KMT2C: variants seen among roughly 807,000 people sequenced by gnomAD.
The protein encoded by KMT2C is histone-lysine N-methyltransferase 2C.
KMT2C carries 88 observed loss-of-function variants against 507.9 expected under a neutral mutation model. The ratio of observed to expected loss-of-function variants is 0.17; its 90% CI spans 0.15 to 0.21. KMT2C has a LOEUF of 0.21. Among genes scored for constraint, KMT2C ranks in the 10% least tolerant of loss-of-function variants. The probability of loss-of-function intolerance (pLI) is 1.00; values close to 1 mark genes in which losing one functional copy is unlikely to be tolerated. For missense variants in KMT2C, 4,954 were observed against 5,957.8 expected, an observed-to-expected ratio of 0.83 and a Z score of 5.55; for synonymous variants, 2,049 against 2,080.8, an observed-to-expected ratio of 0.98 and a Z score of 0.42.
At chr7:152,295,039 T>C (rs573917140) in intron 6 of KMT2C, among the ~76,000 whole-genome samples, 1 of 152,308 alleles carries the variant, frequency 6.6e-6, no homozygotes, top group East Asian at 1.9e-4. Flanking sequence ...ACAAAACTTG[T>C]GATCTTCCAA....
intron 35 of KMT2C, 112 bp downstream of exon 35, chr7:152,182,862 T>C: frequency 1.3e-6 from 1 of 793,134 alleles, no homozygotes; most frequent in Non-Finnish European, 2.0e-6. Context: ...AAGTCTATCC[T>C]AAATCAAATT....
At chr7:152,418,048 C>T (rs954334683) in intron 1 of KMT2C, among the ~76,000 whole-genome samples, 9 of 151,418 alleles carry the variant, frequency 5.9e-5, no homozygotes, top group Non-Finnish European at 8.8e-5. Flanking sequence ...TGCCTCGATA[C>T]TCCTTCCTTA....
intron 55 of KMT2C, among the ~76,000 whole-genome samples, chr7:152,141,784 C>A (rs193238034): frequency 2.0e-5 from 3 of 151,556 alleles, no homozygotes; most frequent in African/African-American, 7.3e-5. Context: ...TTTGGGAGGC[C>A]GAGGCAGGTG....
intron 2 of KMT2C, among the ~76,000 whole-genome samples, chr7:152,338,074 G>C (rs2096954799): frequency 6.6e-6 from 1 of 151,978 alleles, no homozygotes; most frequent in Non-Finnish European, 1.5e-5. Flanking sequence ...TAGCCAGGAT[G>C]GTCACGATCT....
chr7:152,308,998 A>G (rs769833657), intron 6 of KMT2C, among the ~76,000 whole-genome samples: 69 of 152,310 alleles, frequency 4.5e-4, no homozygotes, highest in Non-Finnish European at 7.5e-4. Context: ...TGCACATATT[A>G]CTTTGATACA....
rs1470885577 is a variant in KMT2C, at chr7:152,361,388, G to A, written c.162-2713C>T. On this transcript the variant is annotated intron_variant, in intron 1 of 58. Transcript: ENST00000262189. ...ATCCTGGCTAACACGGTGAAACCCC[G>A]TCTCTACTAAAAATATACAAAAAAA... Among the ~76,000 whole-genome samples the A allele has an allele frequency of 2.0e-5, 3 of 152,076 alleles. No homozygotes were observed. The South Asian group carries it at 6.2e-4, about 32-fold the overall frequency.
At chr7:152,308,452 G>C (rs890880605) in intron 6 of KMT2C, among the ~76,000 whole-genome samples, 2 of 151,898 alleles carry the variant, frequency 1.3e-5, no homozygotes, top group African/African-American at 4.8e-5. Flanking sequence ...AAGGCAGGCA[G>C]ATCACCTGAG....
At chr7:152,398,659 C>T (rs2116593600) in intron 1 of KMT2C, among the ~76,000 whole-genome samples, 1 of 152,020 alleles carries the variant, frequency 6.6e-6, no homozygotes, top group South Asian at 2.1e-4. Context: ...CTCGGCCTTC[C>T]CAAGTATTGA....
rs2129113491 is a variant in KMT2C at position 152,176,707 on chromosome 7, G to T, written c.8746C>A (p.Pro2916Thr). The T allele has an allele frequency of 6.2e-7, 1 of 1,614,192 alleles. No individual in the cohort carries two copies. Among genetic ancestry groups the T allele is most frequent in the South Asian group, 1.1e-5 (1 of 91,086 alleles). The change falls in exon 38 of 59, where the codon CCA (proline) becomes ACA (threonine). Residue 2916 changes from proline (P) to threonine (T), a missense_variant. Pro to Thr is a conservative substitution (Grantham distance 38). Around this residue, in one of 29 missense-constraint regions of KMT2C, gnomAD observed 1,689 missense variants for 1,654.3 expected, o/e 1.02. Coordinates refer to ENST00000262189, the MANE Select transcript of KMT2C (RefSeq NM_170606.3). ...TTAGCAAGTAAACTTGAGAGAACTGGAGTTGATCCAGTTATGCCACAAGAG... is the reference window on the plus strand; with the variant it reads ...TTAGCAAGTAAACTTGAGAGAACTGTAGTTGATCCAGTTATGCCACAAGAG... ...INSCGITGST[P>T]VLSSLLANEK...
intron 6 of KMT2C, among the ~76,000 whole-genome samples, chr7:152,305,315 G>A (rs1375486020): frequency 6.6e-6 from 1 of 152,178 alleles, no homozygotes; most frequent in African/African-American, 2.4e-5. Context: ...TTGACAGCAA[G>A]CCTAGCAAAG....
intron 1 of KMT2C, among the ~76,000 whole-genome samples, chr7:152,416,660 G>T (rs1223047841): frequency 6.6e-6 from 1 of 150,488 alleles, no homozygotes; most frequent in Non-Finnish European, 1.5e-5. Context: ...GGAGGCGGAG[G>T]TTGCAGTAAG....
At chr7:152,330,808 T>C in intron 2 of KMT2C, 69 bp from the exon 3 acceptor site, 1 of 1,397,888 alleles carries the variant, frequency 7.2e-7, no homozygotes, top group South Asian at 1.2e-5. Context: ...GGTGAATGTA[T>C]CTATAAAGCA....
chr7:152,154,284 G>A lies in KMT2C; in HGVS notation c.12122C>T (p.Pro4041Leu), dbSNP rs1261796800. The change falls in exon 47 of 59, where the codon CCT becomes CTT. Residue 4041 changes from proline (P) to leucine (L), a missense_variant. Around this residue, in one of 29 missense-constraint regions of KMT2C, gnomAD observed 417 missense variants for 461.1 expected, o/e 0.90. Transcript: ENST00000262189. ...GTTCTTACTTTTCCCAGCAGTGCTAGGAAGAATTGGAATGATGGGGGACGG... is the reference window on the plus strand; with the variant it reads ...GTTCTTACTTTTCCCAGCAGTGCTAAGAAGAATTGGAATGATGGGGGACGG... ...PVPSPIIPIL[P>L]STAGKSSESR... is the part of the protein sequence containing the mutation. The A allele has an allele frequency of 6.2e-7, 1 of 1,614,188 alleles. No individual in the cohort carries two copies. Among genetic ancestry groups the A allele is most frequent in the African/African-American group, 1.3e-5 (1 of 75,056 alleles).
chr7:152,151,066 G>C (rs977403150), intron 50 of KMT2C, 59 bp from the exon 51 acceptor site: 2 of 994,506 alleles, frequency 2.0e-6, no homozygotes, highest in Non-Finnish European at 3.1e-6. Flanking sequence ...ATAAAAACAG[G>C]ATCTATACAT....
intron 26 of KMT2C, among the ~76,000 whole-genome samples, chr7:152,200,595 G>A (rs1039466265): frequency 1.3e-5 from 2 of 151,786 alleles, no homozygotes; most frequent in Non-Finnish European, 2.9e-5. Context: ...CCAGGCATGC[G>A]CCAACATGCC....
rs1412637014 is a variant in KMT2C at position 152,181,202 on chromosome 7, G to A, written c.6658C>T (p.Gln2220Ter). Reference sequence around the variant, plus strand: ...CTTGGCCTTGGTGTTGCTGGTGGCTGAGAGTAAGGGACAGAAATTCCAGGT... The same window carrying A: ...CTTGGCCTTGGTGTTGCTGGTGGCTAAGAGTAAGGGACAGAAATTCCAGGT... Reference protein sequence around the residue: ...PRPGISVPYSQPPATPRPRIS... With the variant: ...PRPGISVPYS The change falls in exon 36 of 59, where the codon CAG becomes TAG. Residue 2220 changes from glutamine (Q) to a stop codon, truncating the protein, a stop_gained. Transcript: ENST00000262189. LOFTEE classifies it high-confidence loss of function. The A allele has an allele frequency of 6.2e-7, 1 of 1,614,152 alleles. No homozygotes were observed. The highest frequency in any genetic ancestry group is 8.5e-7 in the Non-Finnish European group (1 of 1,180,014).
intron 2 of KMT2C, among the ~76,000 whole-genome samples, chr7:152,344,500 C>A (rs897758639): frequency 1.1e-4 from 17 of 152,070 alleles, no homozygotes; most frequent in Admixed American, 7.9e-4. Context: ...CCACGGTTAA[C>A]TGGAGGTAAC....
intron 9 of KMT2C, among the ~76,000 whole-genome samples, chr7:152,255,112 TA>T (rs2095627218): frequency 1.4e-5 from 1 of 69,122 alleles, no homozygotes; most frequent in Non-Finnish European, 2.3e-5. Flanking sequence ...CTCTCACTTA[TA>T]TATATATATA....
At chr7:152,228,243 G>A (rs965887886) in intron 18 of KMT2C, among the ~76,000 whole-genome samples, 2 of 152,066 alleles carry the variant, frequency 1.3e-5, no homozygotes, top group African/African-American at 4.8e-5. Context: ...AAAAACTATG[G>A]AGTCCCCAGT....
Sources: gnomAD v4.1 joint callset for allele counts (sites outside exome capture counted in the v4.1 genomes callset) on GRCh38, gnomAD v4.1.1 for gene constraint, gnomAD v4.1.1 regional missense constraint, MANE v1.5 for transcripts, NCBI Gene and HGNC (gene_info 2026-07-23, HGNC 2026-07-21) for gene names.